Variants in SPOCK1 observed in about 807,000 individuals in gnomAD.
The protein encoded by SPOCK1 is testican-1.
A neutral mutation model predicts 55.3 loss-of-function variants in SPOCK1; 23 were observed. The ratio of observed to expected loss-of-function variants is 0.42; its 90% confidence interval spans 0.30 to 0.59. The LOEUF is 0.59. Among genes scored for constraint, SPOCK1 ranks in the 20% least tolerant of loss-of-function variants. SPOCK1 has a pLI of 0.22. For synonymous variants in SPOCK1, 226 were observed against 221.0 expected (o/e 1.02, Z -0.20); for missense variants, 499 against 552.5 (o/e 0.90, Z 0.97).
At chr5:137,300,400 A>T (rs1358152749) in intron 2 of SPOCK1, among the ~76,000 whole-genome samples, 2 of 152,168 alleles carry the variant, frequency 1.3e-5, no homozygotes, top group Non-Finnish European at 2.9e-5. Context: ...CATGACCTAG[A>T]CACTCCTGTT....
At chr5:137,069,786 G>A (rs1025126706) in intron 5 of SPOCK1, among the ~76,000 whole-genome samples, 1 of 152,216 alleles carries the variant, frequency 6.6e-6, no homozygotes, top group Non-Finnish European at 1.5e-5. Context: ...CTTATTAAAA[G>A]AATCCTTAAA....
chr5:137,418,864 G>A (rs137915544), intron 2 of SPOCK1, among the ~76,000 whole-genome samples: 12,228 of 152,194 alleles, frequency 0.08, 1,255 homozygotes, highest in African/African-American at 0.24. Context: ...TTTTAGACAT[G>A]AAGTCCTGCC....
chr5:137,330,550 G>A (rs1225298813), intron 2 of SPOCK1, among the ~76,000 whole-genome samples: 2 of 152,352 alleles, frequency 1.3e-5, no homozygotes, highest in Admixed American at 1.3e-4. Context: ...ATGCAAGGCT[G>A]ATACTTAGGT....
At chr5:137,368,079 A>G (rs115749197) in intron 2 of SPOCK1, among the ~76,000 whole-genome samples, 180 of 152,348 alleles carry the variant, frequency 1.2e-3, no homozygotes, top group African/African-American at 3.9e-3. Context: ...CCCTGATCCT[A>G]GAAGACACAC....
At chr5:137,246,392 C>A (rs1041669410) in intron 3 of SPOCK1, among the ~76,000 whole-genome samples, 2 of 152,194 alleles carry the variant, frequency 1.3e-5, no homozygotes, top group African/African-American at 2.4e-5. Context: ...TTCCTTCTAT[C>A]AAGATAAAGT....
rs562346018 is a variant in SPOCK1 at position 137,215,190 on chromosome 5, A to G, written c.232+51820T>C. Among the ~76,000 whole-genome samples, 13 of 152,362 alleles carry G rather than the reference A, an allele frequency of 8.5e-5. No individual in the cohort carries two copies. The South Asian group carries it at 2.1e-3, about 24-fold the overall frequency. Reference sequence around the variant, plus strand: ...GGTTTTCACATCTAAGACATATGAGAAGGATGTTTTTACCTCTATAGAAAA... The same window carrying G: ...GGTTTTCACATCTAAGACATATGAGGAGGATGTTTTTACCTCTATAGAAAA... On this transcript the variant is annotated intron_variant, in intron 3 of 10. Transcript: ENST00000394945.
At chr5:137,422,146 A>G (rs1449236392) in intron 2 of SPOCK1, among the ~76,000 whole-genome samples, 2 of 152,246 alleles carry the variant, frequency 1.3e-5, no homozygotes, top group East Asian at 3.8e-4. Context: ...TCTGGCTTAT[A>G]GAGTTTCTGC....
In SPOCK1 at chr5:137,345,638, C is replaced by T. The variant is rs1476136329; in HGVS notation, c.187-78583G>A. On this transcript the variant is annotated intron_variant, in intron 2 of 10. Coordinates refer to ENST00000394945, the MANE Select transcript of SPOCK1 (RefSeq NM_004598.4). Reference sequence around the variant, plus strand: ...GCTCTGGCTCTATTCCAAAACTTTCCCAAAATGTGGTCCCTATAAAAAATC... The same window carrying T: ...GCTCTGGCTCTATTCCAAAACTTTCTCAAAATGTGGTCCCTATAAAAAATC... Among the ~76,000 whole-genome samples the T allele has an allele frequency of 2.6e-5, 4 of 152,284 alleles. No homozygotes were observed. The East Asian group carries it at 7.7e-4, about 29-fold the overall frequency.
chr5:137,227,750 G>A (rs566666782), intron 3 of SPOCK1, among the ~76,000 whole-genome samples: 17 of 152,314 alleles, frequency 1.1e-4, no homozygotes, highest in Non-Finnish European at 1.5e-4. Context: ...AGTTATCGTA[G>A]GAGCAAAGGG....
chr5:137,423,104 T>A (rs907038933), intron 2 of SPOCK1, among the ~76,000 whole-genome samples: 1 of 152,232 alleles, frequency 6.6e-6, no homozygotes, highest in African/African-American at 2.4e-5. Flanking sequence ...ACAGCAAATA[T>A]TGATGAACAG....
rs77185327 is a variant in SPOCK1, at chr5:137,337,854, G to C, written c.187-70799C>G. 6.1e-4 allele frequency among the ~76,000 whole-genome samples: 93 copies of C among 152,258 alleles called. No homozygotes were observed. The East Asian group carries it at 0.017, about 28-fold the overall frequency. The stretch of plus-strand genomic sequence containing the variant: ...CTCTTTCAAACAAGTATGTCCACAG[G>C]AGTGGGAGAGTGATTTGGTAGCAAG... On this transcript the variant is annotated intron_variant, in intron 2 of 10. Transcript: ENST00000394945.
rs80039385 is a variant in SPOCK1, at chr5:137,497,140, G to T, written c.186+1233C>A. Among the ~76,000 whole-genome samples the T allele has an allele frequency of 3.0e-3, 461 of 152,316 alleles. 3 individuals carry two copies. The highest frequency in any genetic ancestry group is 0.011 in the African/African-American group (447 of 41,572). ...ATTCCCTCTCCCTGCAAGGCCTGCA[G>T]ATACTGAGAGCAGAGCTTAGAGGAG... On this transcript the variant is annotated intron_variant, in intron 2 of 10. Coordinates refer to ENST00000394945, the MANE Select transcript of SPOCK1 (RefSeq NM_004598.4).
At chr5:137,257,713 C>G (rs1015736874) in intron 3 of SPOCK1, among the ~76,000 whole-genome samples, 2 of 152,220 alleles carry the variant, frequency 1.3e-5, no homozygotes, top group African/African-American at 4.8e-5. Flanking sequence ...TCCTCTCTAC[C>G]TCCAAACATC....
chr5:137,238,072 C>A (rs147717208), intron 3 of SPOCK1, among the ~76,000 whole-genome samples: 1 of 152,142 alleles, frequency 6.6e-6, no homozygotes, highest in Non-Finnish European at 1.5e-5. Context: ...GACTGGTTCA[C>A]CTCTTCAAAA....
chr5:136,979,425 T>C lies in SPOCK1; in HGVS notation c.1036A>G (p.Thr346Ala), dbSNP rs747419739. 6.2e-7 allele frequency: 1 copy of C among 1,614,102 alleles called. No individual in the cohort carries two copies. Among genetic ancestry groups the C allele is most frequent in the South Asian group, 1.1e-5 (1 of 91,084 alleles). ...TGCCCCGTGCTGCCGTGGCACTGTG[T>C]GGCTTTGTAATAGCCCTCCTCATTA... Reference protein sequence around the residue: ...RCNEEGYYKATQCHGSTGQCW... With the variant: ...RCNEEGYYKAAQCHGSTGQCW... The change falls in exon 10 of 11, where the codon ACA becomes GCA. Residue 346 changes from threonine (T) to alanine (A), a missense_variant. Physicochemically the swap from Thr to Ala is moderately conservative, Grantham distance 58. Around this residue, in one of 3 missense-constraint regions of SPOCK1, gnomAD observed 30 missense variants for 64.4 expected, o/e 0.47. Transcript: ENST00000394945.
chr5:137,120,120 A>G (rs1002058809), intron 4 of SPOCK1, among the ~76,000 whole-genome samples: 19 of 152,174 alleles, frequency 1.2e-4, no homozygotes, highest in Non-Finnish European at 5.9e-5. Flanking sequence ...CAGGAATACC[A>G]GCACCTTTAT....
At chr5:137,030,784 G>A (rs192870672) in intron 6 of SPOCK1, among the ~76,000 whole-genome samples, 127 of 152,240 alleles carry the variant, frequency 8.3e-4, no homozygotes, top group African/African-American at 2.9e-3. Flanking sequence ...ACGCCTATCT[G>A]TAATAATGCT....
At chr5:137,129,969 G>A (rs1753843307) in intron 4 of SPOCK1, among the ~76,000 whole-genome samples, 1 of 152,148 alleles carries the variant, frequency 6.6e-6, no homozygotes, top group Non-Finnish European at 1.5e-5. Flanking sequence ...TTTTAAAGAG[G>A]GAACTTCCCC....
intron 2 of SPOCK1, among the ~76,000 whole-genome samples, chr5:137,460,147 G>C (rs1386595325): frequency 1.3e-5 from 2 of 152,150 alleles, no homozygotes; most frequent in African/African-American, 4.8e-5. Flanking sequence ...ATCTGAGCAG[G>C]TACATTTAAG....
Sources: allele counts gnomAD v4.1 joint callset (sites outside exome capture counted in the v4.1 genomes callset), GRCh38; gene constraint gnomAD v4.1.1; regional missense constraint gnomAD v4.1.1; transcripts MANE v1.5; gene names NCBI Gene and HGNC (gene_info 2026-07-23, HGNC 2026-07-21).